The following SUFU variants were observed in gnomAD, a reference collection of about 807,000 sequenced individuals.
SUFU encodes SUFU negative regulator of hedgehog signaling, also known as suppressor of fused homolog.
SUFU carries 7 observed loss-of-function variants against 58.9 expected under a neutral mutation model. That is an observed-to-expected ratio of 0.12 (90% CI 0.07 to 0.22). The LOEUF (loss-of-function observed/expected upper bound fraction) is 0.22. Among genes scored for constraint, SUFU ranks in the 10% least tolerant of loss-of-function variants. The pLI, the probability that SUFU is intolerant of heterozygous loss-of-function variation, is 1.00. For missense variants in SUFU, 451 were observed against 641.3 expected, an observed-to-expected ratio of 0.70 and a Z score of 3.20; for synonymous variants, 232 against 254.8, an observed-to-expected ratio of 0.91 and a Z score of 0.85.
chr10:102,592,837 C>T (rs2063418303), intron 4 of SUFU, 113 bp downstream of exon 4: 1 of 1,250,290 alleles, frequency 8.0e-7, no homozygotes, highest in African/African-American at 1.5e-5. Flanking sequence ...TTGGCCTCGT[C>T]CTGATTTCTG....
At chr10:102,537,557 C>T (rs1042935771) in intron 2 of SUFU, among the ~76,000 whole-genome samples, 9 of 152,138 alleles carry the variant, frequency 5.9e-5, no homozygotes, top group Non-Finnish European at 1.2e-4. Flanking sequence ...CAATAACTCC[C>T]CCTTCTCACT....
At chr10:102,532,848 C>A (rs570804352) in intron 2 of SUFU, among the ~76,000 whole-genome samples, 1 of 152,268 alleles carries the variant, frequency 6.6e-6, no homozygotes, top group East Asian at 1.9e-4. Flanking sequence ...GGACTTTGTT[C>A]TGCAGATTGG....
intron 2 of SUFU, among the ~76,000 whole-genome samples, chr10:102,534,127 C>T (rs1011503184): frequency 6.6e-6 from 1 of 152,036 alleles, no homozygotes; most frequent in African/African-American, 2.4e-5. Context: ...AGACTGAGTC[C>T]TGGAGAAAGT....
At chr10:102,532,176 C>T (rs898016913) in intron 2 of SUFU, among the ~76,000 whole-genome samples, 5 of 152,066 alleles carry the variant, frequency 3.3e-5, no homozygotes, top group Admixed American at 2.6e-4. Context: ...CCATGCTGGC[C>T]AGGCTGGTCT....
At chr10:102,621,895 G>A (rs546296456) in intron 10 of SUFU, among the ~76,000 whole-genome samples, 30 of 152,348 alleles carry the variant, frequency 2.0e-4, no homozygotes, top group Admixed American at 9.1e-4. Flanking sequence ...CTGAATCGGC[G>A]TCAGATCTGC....
intron 3 of SUFU, among the ~76,000 whole-genome samples, chr10:102,588,936 T>TA (rs2063364735): frequency 2.0e-5 from 3 of 152,280 alleles, no homozygotes; most frequent in East Asian, 1.9e-4. Context: ...TTTATTTATT[T>TA]TTTTGAGACA....
intron 2 of SUFU, among the ~76,000 whole-genome samples, chr10:102,540,740 G>C (rs1457812954): frequency 6.6e-6 from 1 of 151,022 alleles, no homozygotes; most frequent in East Asian, 1.9e-4. Context: ...ATATATTTCA[G>C]ACCAGGCACA....
intron 3 of SUFU, among the ~76,000 whole-genome samples, chr10:102,559,083 A>C (rs1198227326): frequency 6.6e-6 from 1 of 152,200 alleles, no homozygotes; most frequent in Non-Finnish European, 1.5e-5. Flanking sequence ...GTTTCCTCAT[A>C]TTCCAGAGAT....
intron 2 of SUFU, among the ~76,000 whole-genome samples, chr10:102,534,896 G>A (rs1171749908): frequency 6.6e-6 from 1 of 152,142 alleles, no homozygotes; most frequent in Non-Finnish European, 1.5e-5. Context: ...TTGTCCCTAT[G>A]CCTGTTGGAG....
At chr10:102,510,571 C>G (rs112395292) in intron 2 of SUFU, among the ~76,000 whole-genome samples, 19 of 151,800 alleles carry the variant, frequency 1.3e-4, no homozygotes, top group African/African-American at 4.3e-4. Context: ...CCTGTAATCC[C>G]AGCACTTTGT....
chr10:102,536,177 C>G lies in SUFU; in HGVS notation c.318-13793C>G, dbSNP rs552053110. ...AGACGGTTTCACCATGTTGGCCAGGCTGGTCTGAAACTCCTGACCTCAGGT... is the reference window on the plus strand; with the variant it reads ...AGACGGTTTCACCATGTTGGCCAGGGTGGTCTGAAACTCCTGACCTCAGGT... On this transcript the variant is annotated intron_variant, in intron 2 of 11. Transcript: ENST00000369902. Among the ~76,000 whole-genome samples the G allele has an allele frequency of 2.0e-5, 3 of 151,472 alleles. No homozygotes were observed. The East Asian group carries it at 5.8e-4, about 29-fold the overall frequency.
chr10:102,581,657 T>G (rs1204752829), intron 3 of SUFU, among the ~76,000 whole-genome samples: 2 of 152,176 alleles, frequency 1.3e-5, no homozygotes, highest in African/African-American at 4.8e-5. Flanking sequence ...GGTGTCGGCT[T>G]CATCCTGGGA....
chr10:102,599,585 C>G, intron 8 of SUFU, 41 bp downstream of exon 8: 1 of 1,550,848 alleles, frequency 6.4e-7, no homozygotes, highest in Non-Finnish European at 8.9e-7. Flanking sequence ...AAGAGGACGA[C>G]TTTTTTCTGA....
chr10:102,521,710 G>A (rs1187915472), intron 2 of SUFU, among the ~76,000 whole-genome samples: 1 of 152,132 alleles, frequency 6.6e-6, no homozygotes, highest in Admixed American at 6.6e-5. Context: ...ATGCTCCTTT[G>A]AAGCCCCAAC....
In SUFU at chr10:102,573,133, A is replaced by G. The variant is rs929011114; in HGVS notation, c.455-19449A>G. The G allele has an allele frequency of 7.7e-6, 6 of 774,440 alleles. No individual in the cohort carries two copies. The African/African-American group carries it at 8.4e-5, about 11-fold the overall frequency. 48.0% of individuals were successfully genotyped at this position (774,440 alleles called of 1,614,324 possible). ...TCTTCTTTTTTTTGTGGCTGTGGAC[A>G]CCTTTCAACACTGCCTTCTTGGCCT... On this transcript the variant is annotated intron_variant, in intron 3 of 11. Coordinates refer to ENST00000369902, the MANE Select transcript of SUFU (RefSeq NM_016169.4).
At chr10:102,588,860 A>G (rs907594029) in intron 3 of SUFU, among the ~76,000 whole-genome samples, 2 of 152,168 alleles carry the variant, frequency 1.3e-5, no homozygotes, top group Non-Finnish European at 2.9e-5. Flanking sequence ...GCATTGTATT[A>G]TATTTGATGC....
intron 2 of SUFU, among the ~76,000 whole-genome samples, chr10:102,527,231 T>C (rs1464014856): frequency 7.2e-5 from 11 of 151,928 alleles, no homozygotes; most frequent in Admixed American, 7.2e-4. Flanking sequence ...CTCGATCTCC[T>C]GACCTTGTGA....
intron 3 of SUFU, among the ~76,000 whole-genome samples, chr10:102,568,899 T>A (rs11191340): frequency 0.14 from 1,091 of 8,042 alleles, 20 homozygotes; most frequent in African/African-American, 0.18. Flanking sequence ...AAAAAAAAAA[T>A]ATATATATAT....
In SUFU at chr10:102,622,615, G is replaced by A. The variant is rs186924516; in HGVS notation, c.1297-4560G>A. Reference sequence around the variant, plus strand: ...AAATTAGCCGGGCATGGCGGCGGGCGCCTGTAGTCCCAGCTTGTTTGTCTG... The same window carrying A: ...AAATTAGCCGGGCATGGCGGCGGGCACCTGTAGTCCCAGCTTGTTTGTCTG... On this transcript the variant is annotated intron_variant, in intron 10 of 11. Coordinates refer to ENST00000369902, the MANE Select transcript of SUFU (RefSeq NM_016169.4). Among the ~76,000 whole-genome samples, 819 of 151,956 alleles carry A rather than the reference G, an allele frequency of 5.4e-3. 5 individuals carry two copies. Among genetic ancestry groups the A allele is most frequent in the African/African-American group, 0.019 (776 of 41,428 alleles).
Sources: gnomAD v4.1 joint callset for allele counts (sites outside exome capture counted in the v4.1 genomes callset) on GRCh38, gnomAD v4.1.1 for gene constraint, MANE v1.5 for transcripts, NCBI Gene and HGNC (gene_info 2026-07-23, HGNC 2026-07-21) for gene names.